Variants in RABGAP1L observed in about 807,000 individuals in gnomAD.
RABGAP1L encodes the protein rab GTPase-activating protein 1-like.
RABGAP1L carries 63 observed loss-of-function variants against 137.7 expected under a neutral mutation model. That is an observed-to-expected ratio of 0.46 (90% CI 0.37 to 0.56). The LOEUF is 0.56. RABGAP1L is among the 20% of genes least tolerant of loss of function. RABGAP1L has a pLI of 0.00. For synonymous variants in RABGAP1L, 431 were observed against 433.7 expected, an observed-to-expected ratio of 0.99 and a Z score of 0.08; for missense variants, 1,095 against 1,244.0, an observed-to-expected ratio of 0.88 and a Z score of 1.80.
At chr1:174,482,802 T>C (rs541419117) in intron 13 of RABGAP1L, among the ~76,000 whole-genome samples, 2 of 152,320 alleles carry the variant, frequency 1.3e-5, no homozygotes, top group South Asian at 2.1e-4. Flanking sequence ...TTGGTACATA[T>C]ACACAGCTTT....
At chr1:174,824,759 A>G (rs1451329813) in intron 19 of RABGAP1L, among the ~76,000 whole-genome samples, 1 of 151,896 alleles carries the variant, frequency 6.6e-6, no homozygotes, top group African/African-American at 2.4e-5. Context: ...GAAATTGCTT[A>G]TTTCACTCTT....
intron 20 of RABGAP1L, among the ~76,000 whole-genome samples, chr1:174,959,148 A>G (rs1668866482): frequency 6.6e-6 from 1 of 152,266 alleles, no homozygotes; most frequent in African/African-American, 2.4e-5. Context: ...CTTCTATAGC[A>G]GATAACTATT....
intron 13 of RABGAP1L, among the ~76,000 whole-genome samples, chr1:174,635,077 AAAAG>A (rs1192092382): frequency 1.3e-5 from 2 of 151,720 alleles, no homozygotes; most frequent in Non-Finnish European, 2.9e-5. Context: ...AAAAAGAAAA[AAAAG>A]AAAAAAATTA....
At chr1:174,803,292 AC>A (rs1688936578) in intron 18 of RABGAP1L, among the ~76,000 whole-genome samples, 1 of 152,184 alleles carries the variant, frequency 6.6e-6, no homozygotes, top group African/African-American at 2.4e-5. Flanking sequence ...TCAAAGGTAC[AC>A]CCAGTTAAGG....
chr1:174,204,799 C>T (rs918057713), intron 1 of RABGAP1L, among the ~76,000 whole-genome samples: 5 of 152,140 alleles, frequency 3.3e-5, no homozygotes, highest in African/African-American at 9.7e-5. Flanking sequence ...GTTGTTCTCA[C>T]GAGATGTGGA....
chr1:174,742,998 A>C (rs1344110463), intron 17 of RABGAP1L, among the ~76,000 whole-genome samples: 5 of 152,186 alleles, frequency 3.3e-5, no homozygotes, highest in Non-Finnish European at 7.3e-5. Flanking sequence ...TTGACATATG[A>C]TGAATATGTT....
chr1:174,741,032 A>ATTTTT, intron 17 of RABGAP1L, among the ~76,000 whole-genome samples: 4 of 132,150 alleles, frequency 3.0e-5, no homozygotes, highest in African/African-American at 1.3e-4. Flanking sequence ...CACTCTGTTG[A>ATTTTT]TTTTTTTGTT....
chr1:174,342,318 C>G (rs1198121888), intron 11 of RABGAP1L, among the ~76,000 whole-genome samples: 2 of 152,080 alleles, frequency 1.3e-5, no homozygotes, highest in Non-Finnish European at 2.9e-5. Context: ...TGGATTTTCT[C>G]TGAGATAAAC....
At chr1:174,776,188 G>A (rs1686511942) in intron 18 of RABGAP1L, among the ~76,000 whole-genome samples, 1 of 151,994 alleles carries the variant, frequency 6.6e-6, no homozygotes, top group African/African-American at 2.4e-5. Flanking sequence ...TGGCCAACAT[G>A]GTGAAACCCC....
At chr1:174,878,500 C>T (rs989600152) in intron 19 of RABGAP1L, among the ~76,000 whole-genome samples, 19 of 152,196 alleles carry the variant, frequency 1.2e-4, no homozygotes, top group African/African-American at 4.3e-4. Flanking sequence ...GCTGGGATTA[C>T]AGGCATAAGC....
Position 174,448,820 on chromosome 1 carries a change from A to G in RABGAP1L, c.1710+54675A>G. On this transcript the variant is annotated intron_variant, in intron 13 of 25. Coordinates refer to ENST00000681986, the MANE Select transcript of RABGAP1L (RefSeq NM_001366446.1). This position sits in a 1 kb window ranked among gnomAD's most constrained non-coding sequence, Gnocchi z 4.2. The stretch of plus-strand genomic sequence containing the variant: ...AATTTGCCGTCAGCACACCAAAGAG[A>G]TAAATGACCGAAGAGCCCGATTCCC... 6.2e-7 allele frequency: 1 copy of G among 1,614,108 alleles called. No homozygotes were observed. Among genetic ancestry groups the G allele is most frequent in the Non-Finnish European group, 8.5e-7 (1 of 1,179,986 alleles).
chr1:174,962,200 C>A lies in RABGAP1L; in HGVS notation c.2433+4651C>A, dbSNP rs902095790. 1.6e-5 allele frequency among the ~76,000 whole-genome samples: 2 copies of A among 125,948 alleles called. 1 individual carries two copies. The highest frequency in any genetic ancestry group is 6.4e-5 in the African/African-American group (2 of 31,308). The allele number at this position is 125,948 out of a possible 152,430, so 82.6% of individuals were successfully genotyped here. On this transcript the variant is annotated intron_variant, in intron 20 of 25. Coordinates refer to ENST00000681986, the MANE Select transcript of RABGAP1L (RefSeq NM_001366446.1). ...AAAAAATAAAAATAAAAATACACCC[C>A]CCCCCCACACACACACACAGCTAGT...
In RABGAP1L at chr1:174,448,436, C is replaced by A; in HGVS notation, c.1710+54291C>A. 1 of 1,613,300 alleles carries A rather than the reference C, an allele frequency of 6.2e-7. No homozygotes were observed. The highest frequency in any genetic ancestry group is 1.1e-5 in the South Asian group (1 of 91,042). On this transcript the variant is annotated intron_variant, in intron 13 of 25. Coordinates refer to ENST00000681986, the MANE Select transcript of RABGAP1L (RefSeq NM_001366446.1). The surrounding 1 kb of genome is among the most constrained non-coding windows in gnomAD (Gnocchi z 4.2). Reference sequence around the variant, plus strand: ...ACTTCTCCACTACTCCACAGGTGTCCACGAGTCATTGACTTGCCAGGTTTT... The same window carrying A: ...ACTTCTCCACTACTCCACAGGTGTCAACGAGTCATTGACTTGCCAGGTTTT...
intron 18 of RABGAP1L, among the ~76,000 whole-genome samples, chr1:174,786,232 A>G (rs556583244): frequency 2.0e-5 from 3 of 152,272 alleles, no homozygotes; most frequent in Admixed American, 6.5e-5. Flanking sequence ...TGTCAATCAG[A>G]TATTTTCTAA....
chr1:174,483,233 C>T (rs575695801), intron 13 of RABGAP1L, among the ~76,000 whole-genome samples: 1 of 152,130 alleles, frequency 6.6e-6, no homozygotes, highest in Admixed American at 6.5e-5. Context: ...TTTACTCATA[C>T]TTTCTATTTT....
At chr1:174,722,361 T>C (rs1681623037) in intron 17 of RABGAP1L, among the ~76,000 whole-genome samples, 1 of 152,228 alleles carries the variant, frequency 6.6e-6, no homozygotes, top group African/African-American at 2.4e-5. Context: ...TGTTTTGTTA[T>C]ATGTAAGATG....
rs1276097709 is a variant in RABGAP1L, at chr1:174,721,170, C to G, written c.2169+18914C>G. 2.6e-5 allele frequency among the ~76,000 whole-genome samples: 4 copies of G among 152,202 alleles called. No homozygotes were observed. In the East Asian group the frequency reaches 5.8e-4, roughly 22 times the overall value. On this transcript the variant is annotated intron_variant, in intron 17 of 25. Transcript: ENST00000681986. The stretch of plus-strand genomic sequence containing the variant: ...TTTTGATCATTTTAATCATCAGCAG[C>G]AAAGAGTTATGTGGTATTACTTTCT...
At chr1:174,757,516 T>C (rs1273989021) in intron 18 of RABGAP1L, among the ~76,000 whole-genome samples, 4 of 148,492 alleles carry the variant, frequency 2.7e-5, no homozygotes, top group Non-Finnish European at 5.9e-5. Flanking sequence ...AAGTTATAAA[T>C]ATAAATATAA....
intron 17 of RABGAP1L, among the ~76,000 whole-genome samples, chr1:174,737,035 G>A (rs1014044591): frequency 6.6e-6 from 1 of 152,146 alleles, no homozygotes; most frequent in Non-Finnish European, 1.5e-5. Flanking sequence ...GTGGATATTA[G>A]CACTTGGCTC....
Sources: gnomAD v4.1 joint callset for allele counts (sites outside exome capture counted in the v4.1 genomes callset) on GRCh38, gnomAD v4.1.1 for gene constraint, Gnocchi (gnomAD v3.1) non-coding constraint, MANE v1.5 for transcripts, NCBI Gene and HGNC (gene_info 2026-07-23, HGNC 2026-07-21) for gene names.